ERBB4: variants seen among roughly 807,000 people sequenced by gnomAD.
ERBB4 encodes the protein erb-b2 receptor tyrosine kinase 4, also known as receptor tyrosine-protein kinase erbB-4.
In ERBB4, 42 loss-of-function variants were observed where a neutral mutation model predicts 158.0. The observed-to-expected ratio is 0.27, with a 90% CI of 0.21 to 0.34. The LOEUF (loss-of-function observed/expected upper bound fraction) is 0.34. ERBB4 is among the 10% of genes least tolerant of loss of function. ERBB4 has a pLI of 1.00. For synonymous variants in ERBB4, 583 were observed against 558.7 expected, an observed-to-expected ratio of 1.04 and a Z score of -0.61; for missense variants, 1,333 against 1,624.1, an observed-to-expected ratio of 0.82 and a Z score of 3.08.
intron 1 of ERBB4, among the ~76,000 whole-genome samples, chr2:212,527,223 CT>C: frequency 6.6e-6 from 1 of 152,112 alleles, no homozygotes; most frequent in East Asian, 1.9e-4. Flanking sequence ...ATTAGGCATA[CT>C]CATATTTAGA....
chr2:211,553,346 A>T (rs1438010774), intron 20 of ERBB4, among the ~76,000 whole-genome samples: 1 of 152,162 alleles, frequency 6.6e-6, no homozygotes, highest in African/African-American at 2.4e-5. Flanking sequence ...GTAGGAAAGC[A>T]TATGTGGATG....
chr2:212,088,105 T>C (rs949489176), intron 2 of ERBB4, among the ~76,000 whole-genome samples: 7 of 152,118 alleles, frequency 4.6e-5, no homozygotes, highest in African/African-American at 1.7e-4. Flanking sequence ...AAGTTCATCA[T>C]CTAATTAAAA....
intron 17 of ERBB4, among the ~76,000 whole-genome samples, chr2:211,626,754 C>T (rs934265949): frequency 1.3e-5 from 2 of 151,810 alleles, no homozygotes; most frequent in African/African-American, 4.8e-5. Context: ...GAAACCCTGT[C>T]TCTACTAAAA....
chr2:212,163,668 G>A (rs1334819577), intron 1 of ERBB4, among the ~76,000 whole-genome samples: 3 of 152,008 alleles, frequency 2.0e-5, no homozygotes, highest in Non-Finnish European at 4.4e-5. Context: ...CCTGTCACTG[G>A]AGTTCTACCA....
At chr2:212,504,658 C>T (rs536196279) in intron 1 of ERBB4, among the ~76,000 whole-genome samples, 6 of 152,158 alleles carry the variant, frequency 3.9e-5, no homozygotes, top group African/African-American at 1.4e-4. Flanking sequence ...TAGTCTGAAC[C>T]ATAACGTATA....
At chr2:211,396,141 G>C (rs2062911744) in intron 25 of ERBB4, among the ~76,000 whole-genome samples, 1 of 151,882 alleles carries the variant, frequency 6.6e-6, no homozygotes, top group Non-Finnish European at 1.5e-5. Context: ...TCAATTTTAG[G>C]CTCTGTGTAT....
intron 12 of ERBB4, among the ~76,000 whole-genome samples, chr2:211,694,999 G>A (rs560577920): frequency 1.6e-4 from 24 of 152,100 alleles, no homozygotes; most frequent in Middle Eastern, 3.4e-3. Flanking sequence ...TAGAAATGAC[G>A]ACGATATAAA....
At chr2:211,775,587 T>A (rs1356692900) in intron 4 of ERBB4, among the ~76,000 whole-genome samples, 2 of 152,200 alleles carry the variant, frequency 1.3e-5, no homozygotes, top group Non-Finnish European at 2.9e-5. Flanking sequence ...AAGCTACACT[T>A]TGGTTTGTCC....
intron 7 of ERBB4, among the ~76,000 whole-genome samples, chr2:211,721,800 T>G (rs1199459346): frequency 6.6e-6 from 1 of 152,066 alleles, no homozygotes; most frequent in African/African-American, 2.4e-5. Context: ...CTAATTACTT[T>G]TTTGGAGAAA....
At chr2:211,558,341 T>C (rs1440421814) in intron 20 of ERBB4, among the ~76,000 whole-genome samples, 1 of 152,176 alleles carries the variant, frequency 6.6e-6, no homozygotes, top group East Asian at 1.9e-4. Context: ...AGCTCTGATC[T>C]GTTCTTATGT....
At chr2:211,947,966 A>C (rs1050548185) in intron 2 of ERBB4, among the ~76,000 whole-genome samples, 2 of 152,172 alleles carry the variant, frequency 1.3e-5, no homozygotes, top group African/African-American at 2.4e-5. Context: ...CACAACCATC[A>C]GTCAAACTTT....
chr2:212,455,474 A>G (rs1022516251), intron 1 of ERBB4, among the ~76,000 whole-genome samples: 3 of 152,140 alleles, frequency 2.0e-5, no homozygotes, highest in Admixed American at 6.6e-5. Context: ...CACTAGCCAC[A>G]TGGCTGTTGA....
chr2:212,391,710 ATT>A (rs1013438742), intron 1 of ERBB4, among the ~76,000 whole-genome samples: 24 of 133,930 alleles, frequency 1.8e-4, no homozygotes, highest in African/African-American at 2.4e-4. Context: ...TATTATATAT[ATT>A]GACATATATA....
intron 1 of ERBB4, among the ~76,000 whole-genome samples, chr2:212,189,891 T>C (rs760713307): frequency 6.6e-6 from 1 of 152,200 alleles, no homozygotes; most frequent in Non-Finnish European, 1.5e-5. Context: ...GACCAAAATA[T>C]GTAAACCAAT....
At chr2:212,210,815 T>C (rs941286423) in intron 1 of ERBB4, among the ~76,000 whole-genome samples, 2 of 152,128 alleles carry the variant, frequency 1.3e-5, no homozygotes, top group Non-Finnish European at 2.9e-5. Context: ...GTTTCATTTA[T>C]TTTTAATGTA....
intron 2 of ERBB4, among the ~76,000 whole-genome samples, chr2:212,030,921 G>A (rs76639026): frequency 0.072 from 11,006 of 152,040 alleles, 392 homozygotes; most frequent in South Asian, 0.11. Flanking sequence ...GGGTGCAAAT[G>A]AGAGTATGTA....
intron 1 of ERBB4, among the ~76,000 whole-genome samples, chr2:212,146,856 A>G (rs184843481): frequency 2.8e-4 from 43 of 152,210 alleles, no homozygotes; most frequent in Non-Finnish European, 5.0e-4. Flanking sequence ...TTATCCCTTA[A>G]CACCCAAGAA....
chr2:212,186,167 G>C (rs1200945720), intron 1 of ERBB4, among the ~76,000 whole-genome samples: 2 of 152,076 alleles, frequency 1.3e-5, no homozygotes, highest in Non-Finnish European at 2.9e-5. Flanking sequence ...GACAGGATTG[G>C]AAAGTGCCTC....
intron 20 of ERBB4, among the ~76,000 whole-genome samples, chr2:211,452,061 TA>T (rs1196933201): frequency 6.6e-6 from 1 of 152,198 alleles, no homozygotes; most frequent in Non-Finnish European, 1.5e-5. Flanking sequence ...TTCCAAGAAA[TA>T]GCTTTCCTCC....
Sources: gnomAD v4.1 joint callset for allele counts (sites outside exome capture counted in the v4.1 genomes callset) on GRCh38, gnomAD v4.1.1 for gene constraint, MANE v1.5 for transcripts, NCBI Gene and HGNC (gene_info 2026-07-23, HGNC 2026-07-21) for gene names.